ADAMTSL3: variants seen among roughly 807,000 people sequenced by gnomAD.
ADAMTSL3 encodes ADAMTS like 3, also known as ADAMTS-like protein 3.
In ADAMTSL3, 128 loss-of-function variants were observed where a neutral mutation model predicts 201.7. The observed-to-expected ratio is 0.63, with a 90% CI of 0.55 to 0.73. The LOEUF is 0.73. ADAMTSL3 is among the 30% of genes least tolerant of loss of function. The probability of loss-of-function intolerance (pLI) is 0.00; values close to 1 mark genes in which losing one functional copy is unlikely to be tolerated. For missense variants in ADAMTSL3, 1,990 were observed against 2,119.6 expected (o/e 0.94, Z 1.20); for synonymous variants, 738 against 748.4 (o/e 0.99, Z 0.23).
intron 6 of ADAMTSL3, among the ~76,000 whole-genome samples, chr15:83,824,682 T>A (rs1165196990): frequency 3.3e-5 from 5 of 152,214 alleles, no homozygotes; most frequent in Non-Finnish European, 5.9e-5. Context: ...ATCTTTTTAC[T>A]GTCTCCATAG....
At chr15:83,811,626 C>T (rs923113837) in intron 5 of ADAMTSL3, among the ~76,000 whole-genome samples, 11 of 152,160 alleles carry the variant, frequency 7.2e-5, no homozygotes. Context: ...TACCTGTGGT[C>T]TCTAATTTAT....
intron 4 of ADAMTSL3, among the ~76,000 whole-genome samples, chr15:83,799,570 G>A (rs539171144): frequency 7.9e-5 from 12 of 152,060 alleles, no homozygotes; most frequent in African/African-American, 2.9e-4. Context: ...ACCATTATTT[G>A]AGTCAATATA....
chr15:83,769,000 A>C (rs543338239), intron 3 of ADAMTSL3, among the ~76,000 whole-genome samples: 31 of 152,180 alleles, frequency 2.0e-4, no homozygotes, highest in African/African-American at 7.5e-4. Context: ...TTCGTGCTCT[A>C]CTTTCTTAGA....
Position 83,758,617 on chromosome 15 carries a change from G to A in ADAMTSL3, c.190-14906G>A, listed in dbSNP as rs561902718. Among the ~76,000 whole-genome samples the A allele has an allele frequency of 5.3e-5, 8 of 152,076 alleles. No homozygotes were observed. The South Asian group carries it at 1.5e-3, about 28-fold the overall frequency. On this transcript the variant is annotated intron_variant, in intron 3 of 29. Coordinates refer to ENST00000286744, the MANE Select transcript of ADAMTSL3 (RefSeq NM_207517.3). ...GTATCTCCTTTACATTTCCCTAATG[G>A]GTATAAAGTGGTATTTCATTTGCAT...
intron 4 of ADAMTSL3, among the ~76,000 whole-genome samples, chr15:83,776,876 G>A (rs948992832): frequency 6.6e-6 from 1 of 152,242 alleles, no homozygotes; most frequent in African/African-American, 2.4e-5. Flanking sequence ...AGCAGCATAT[G>A]TAAGTATCCT....
In ADAMTSL3 at chr15:83,791,395, C is replaced by T. The variant is rs191788952; in HGVS notation, c.318-13255C>T. 9.2e-5 allele frequency among the ~76,000 whole-genome samples: 14 copies of T among 152,218 alleles called. No individual in the cohort carries two copies. The East Asian group carries it at 1.5e-3, about 17-fold the overall frequency. ...ATGGCATAAAAACAGACAGGTTGTC[C>T]GATGGAACAGTATACAGAGCTCTGA... On this transcript the variant is annotated intron_variant, in intron 4 of 29. Coordinates refer to ENST00000286744, the MANE Select transcript of ADAMTSL3 (RefSeq NM_207517.3).
intron 1 of ADAMTSL3, among the ~76,000 whole-genome samples, chr15:83,655,314 G>A (rs2061064278): frequency 6.6e-6 from 1 of 152,218 alleles, no homozygotes; most frequent in Non-Finnish European, 1.5e-5. Context: ...TGTGACCTTA[G>A]GCAGGTCCTT....
chr15:83,812,791 C>T (rs755275092), intron 5 of ADAMTSL3, among the ~76,000 whole-genome samples: 8 of 152,224 alleles, frequency 5.3e-5, no homozygotes, highest in Admixed American at 1.3e-4. Context: ...GTAGCTCATA[C>T]TTATTAAGTA....
intron 15 of ADAMTSL3, among the ~76,000 whole-genome samples, chr15:83,902,756 C>T (rs1302750948): frequency 1.3e-5 from 2 of 152,168 alleles, no homozygotes; most frequent in Non-Finnish European, 2.9e-5. Flanking sequence ...GACTTGCGGG[C>T]TGTTTCTTGC....
chr15:83,908,847 A>G (rs1407808940), intron 15 of ADAMTSL3, among the ~76,000 whole-genome samples: 1 of 152,232 alleles, frequency 6.6e-6, no homozygotes, highest in Non-Finnish European at 1.5e-5. Flanking sequence ...TCTCTGTTCC[A>G]GTTACTAGTA....
Position 83,856,165 on chromosome 15 carries a change from CTT to C in ADAMTSL3, c.728-2588_728-2587del, listed in dbSNP as rs201506032. ...AGTATGCATCATTTCCTTTCCTTTC[CTT>C]TTTTTTTTTTTTCCCCCTGAGACAA... On this transcript the variant is annotated intron_variant, in intron 7 of 29. Coordinates refer to ENST00000286744, the MANE Select transcript of ADAMTSL3 (RefSeq NM_207517.3). Among the ~76,000 whole-genome samples, 104 of 141,206 alleles carry C rather than the reference CTT, an allele frequency of 7.4e-4. 1 individual carries two copies. The highest frequency in any genetic ancestry group is 3.7e-3 in the Middle Eastern group (1 of 270). 92.6% of individuals were successfully genotyped at this position (141,206 alleles called of 152,430 possible).
In ADAMTSL3 at chr15:84,010,056, C is replaced by G. The variant is rs2067979958; in HGVS notation, c.3974-4486C>G. On this transcript the variant is annotated intron_variant, in intron 23 of 29. Coordinates refer to ENST00000286744, the MANE Select transcript of ADAMTSL3 (RefSeq NM_207517.3). ...GAGGCAAGTCTGAATTAATAAACAT[C>G]CCTGAATTGTAAAATGCTTTCAAGT... is the stretch of plus-strand genomic sequence containing the variant. Among the ~76,000 whole-genome samples the G allele has an allele frequency of 3.9e-5, 6 of 152,212 alleles. No homozygotes were observed. In the South Asian group the frequency reaches 1.2e-3, roughly 32 times the overall value.
chr15:83,942,729 T>C lies in ADAMTSL3; in HGVS notation c.2251T>C (p.Leu751=). 1.2e-6 allele frequency: 2 copies of C among 1,614,034 alleles called. No homozygotes were observed. Among genetic ancestry groups the C allele is most frequent in the South Asian group, 2.2e-5 (2 of 91,080 alleles). ...GTGCCGAGATGAAAAGCCCCATGCT[T>C]TACAAGCATGCAATCAGTTTGACTG... The part of the protein sequence containing the change: ...EECRDEKPHA[L]QACNQFDCPP... Residue 751 remains leucine (L), a synonymous_variant, in exon 18 of 30, where the codon TTA becomes CTA. Coordinates refer to ENST00000286744, the MANE Select transcript of ADAMTSL3 (RefSeq NM_207517.3).
At chr15:83,787,051 G>T (rs148047604) in intron 4 of ADAMTSL3, among the ~76,000 whole-genome samples, 1 of 152,008 alleles carries the variant, frequency 6.6e-6, no homozygotes, top group Non-Finnish European at 1.5e-5. Flanking sequence ...TCTTCTTTCC[G>T]CCTAAATCAT....
chr15:84,037,541 A>G lies in ADAMTSL3; in HGVS notation c.4970-159A>G, dbSNP rs189082355. Among the ~76,000 whole-genome samples, 12 of 152,358 alleles carry G rather than the reference A, an allele frequency of 7.9e-5. No homozygotes were observed. The East Asian group carries it at 2.3e-3, about 29-fold the overall frequency. ...CTTGGCTGAGCTGAAAGGGAATCCA[A>G]TGCACTTCTGACTCTCATGCAAAAC... On this transcript the variant is annotated intron_variant, in intron 29 of 29. Coordinates refer to ENST00000286744, the MANE Select transcript of ADAMTSL3 (RefSeq NM_207517.3).
intron 15 of ADAMTSL3, among the ~76,000 whole-genome samples, chr15:83,904,561 G>A (rs2065798241): frequency 6.6e-6 from 1 of 152,184 alleles, no homozygotes; most frequent in South Asian, 2.1e-4. Context: ...ATGTTCAAAA[G>A]GCTTTTTTGC....
At chr15:83,810,698 TC>T (rs1322225898) in intron 5 of ADAMTSL3, among the ~76,000 whole-genome samples, 5 of 152,190 alleles carry the variant, frequency 3.3e-5, no homozygotes, top group Admixed American at 2.0e-4. Context: ...TCTTCAGTCT[TC>T]AAAGCCAGCA....
chr15:83,698,290 C>G (rs899427104), intron 2 of ADAMTSL3, among the ~76,000 whole-genome samples: 9 of 118,202 alleles, frequency 7.6e-5, no homozygotes, highest in Non-Finnish European at 1.5e-4. Flanking sequence ...CAACTCTTGT[C>G]CTTGACTAGC....
intron 27 of ADAMTSL3, among the ~76,000 whole-genome samples, chr15:84,027,860 A>G (rs2068339044): frequency 6.6e-6 from 1 of 152,216 alleles, no homozygotes; most frequent in Non-Finnish European, 1.5e-5. Context: ...AATGGAAACA[A>G]TTGGTGAGTA....
Sources: gnomAD v4.1 joint callset for allele counts (sites outside exome capture counted in the v4.1 genomes callset) on GRCh38, gnomAD v4.1.1 for gene constraint, MANE v1.5 for transcripts, NCBI Gene and HGNC (gene_info 2026-07-23, HGNC 2026-07-21) for gene names.